Variants in LRRC15 observed in about 807,000 individuals in gnomAD.
LRRC15 encodes the protein leucine-rich repeat-containing protein 15.
In LRRC15, 5 loss-of-function variants were observed where a neutral mutation model predicts 4.3. The ratio of observed to expected loss-of-function variants is 1.16; its 90% CI spans 0.61 to 2.44. The LOEUF (loss-of-function observed/expected upper bound fraction) is 2.44, where lower values mean the gene tolerates loss of function less well. Among genes scored for constraint, LRRC15 ranks in the 30% most tolerant of loss-of-function variants. The pLI, the probability that LRRC15 is intolerant of heterozygous loss-of-function variation, is 0.01. For synonymous variants in LRRC15, 337 were observed against 323.2 expected, an observed-to-expected ratio of 1.04 and a Z score of -0.46; for missense variants, 769 against 747.0, an observed-to-expected ratio of 1.03 and a Z score of -0.34.
rs1472108894 is a variant in LRRC15 at position 194,369,739 on chromosome 3, A to T, written c.-82T>A. The T allele has an allele frequency of 1.3e-5, 2 of 152,192 alleles. No homozygotes were observed. Among genetic ancestry groups the T allele is most frequent in the Non-Finnish European group, 2.9e-5 (2 of 68,078 alleles). The allele number at this position is 152,192 out of a possible 1,614,324, so 9.4% of individuals were successfully genotyped here. A position where few individuals can be genotyped will look rare whatever the true frequency, so the allele number is the denominator to read the frequency against. On this transcript the variant is annotated 5_prime_UTR_variant, in exon 1 of 2. Coordinates refer to ENST00000347624, the MANE Select transcript of LRRC15 (RefSeq NM_130830.5). ...AGGGACGGCTCAAGGCTGCAGCATG[A>T]GTGTGGCTCGCCTAAGCTGTCCCGG...
rs1713579454 is a variant in LRRC15 at position 194,360,334 on chromosome 3, G to A, written c.710C>T (p.Ser237Phe). The A allele has an allele frequency of 6.2e-7, 1 of 1,614,028 alleles. No homozygotes were observed. The highest frequency in any genetic ancestry group is 8.5e-7 in the Non-Finnish European group (1 of 1,180,032). ...ALQQNQIGLL[S>F]PGLFHNNHNL... Reference sequence around the variant, plus strand: ...GTGGTTGTTGTGGAAGAGACCAGGGGAGAGCAGTCCAATCTGGTTCTGCTG... The same window carrying A: ...GTGGTTGTTGTGGAAGAGACCAGGGAAGAGCAGTCCAATCTGGTTCTGCTG... Residue 237 changes from serine (S) to phenylalanine (F), a missense_variant, in exon 2 of 2, where the codon TCC (serine) becomes TTC (phenylalanine). Transcript: ENST00000347624.
rs545151577 is a variant in LRRC15 at position 194,359,618 on chromosome 3, C to T, written c.1426G>A (p.Val476Ile). 3.6e-5 allele frequency: 58 copies of T among 1,613,788 alleles called. No individual in the cohort carries two copies. Among genetic ancestry groups the T allele is most frequent in the Middle Eastern group, 1.7e-4 (1 of 6,060 alleles). The stretch of plus-strand genomic sequence containing the variant: ...TAACTAGGCACCTCGGGGACATGGA[C>T]GCTTGGAACAGCAACGTTGACATTG... ...IINVNVAVPS[V>I]HVPEVPSYPE... Residue 476 changes from valine to isoleucine, a missense_variant, in exon 2 of 2, where the codon GTC (valine) becomes ATC (isoleucine). Physicochemically the swap from Val to Ile is conservative, Grantham distance 29. Transcript: ENST00000347624.
At chr3:194,369,289 G>A (rs961421384) in intron 1 of LRRC15, among the ~76,000 whole-genome samples, 2 of 152,244 alleles carry the variant, frequency 1.3e-5, no homozygotes, top group Non-Finnish European at 2.9e-5. Context: ...TTCCCCCAGT[G>A]GATCTAGATT....
At position 194,360,912 on chromosome 3, in the gene LRRC15, A is replaced by G; in HGVS notation, c.132T>C (p.Ile44=). ...AGGGCAGAGGGGTGGGCACTGCCACAATGCGTGCCCCGGTGCACTCCACCT... is the reference window on the plus strand; with the variant it reads ...AGGGCAGAGGGGTGGGCACTGCCACGATGCGTGCCCCGGTGCACTCCACCT... ...ASQVECTGAR[I]VAVPTPLPWN... The change falls in exon 2 of 2, where the codon ATT becomes ATC. Residue 44 remains isoleucine, a synonymous_variant. Transcript: ENST00000347624. 6.2e-7 allele frequency: 1 copy of G among 1,602,432 alleles called. No individual in the cohort carries two copies. The highest frequency in any genetic ancestry group is 8.5e-7 in the Non-Finnish European group (1 of 1,174,740).
chr3:194,359,572 G>A lies in LRRC15; in HGVS notation c.1472C>T (p.Pro491Leu). Residue 491 changes from proline (P) to leucine (L), a missense_variant, in exon 2 of 2, where the codon CCA becomes CTA. Coordinates refer to ENST00000347624, the MANE Select transcript of LRRC15 (RefSeq NM_130830.5). ...GGTGTCAGGGTAACTGGGTGTGTCT[G>A]GGTACCATGGTGTTTCTGGGTAACT... is the stretch of plus-strand genomic sequence containing the variant. ...VPSYPETPWY[P>L]DTPSYPDTTS... is the part of the protein sequence containing the mutation. The A allele has an allele frequency of 6.2e-7, 1 of 1,613,956 alleles. No individual in the cohort carries two copies. The highest frequency in any genetic ancestry group is 8.5e-7 in the Non-Finnish European group (1 of 1,179,930).
At chr3:194,361,330 G>A (rs1480186334) in intron 1 of LRRC15, among the ~76,000 whole-genome samples, 3 of 152,166 alleles carry the variant, frequency 2.0e-5, no homozygotes, top group African/African-American at 4.8e-5. Context: ...ATAACCTTTA[G>A]GACACTTCCC....
At chr3:194,361,157 A>G (rs1389506548) in intron 1 of LRRC15, 111 bp from the exon 2 acceptor site, 12 of 887,630 alleles carry the variant, frequency 1.4e-5, no homozygotes, top group Non-Finnish European at 1.8e-5. Flanking sequence ...GAACCCCATC[A>G]TCACATACTG....
At chr3:194,366,301 T>C (rs1275607349) in intron 1 of LRRC15, among the ~76,000 whole-genome samples, 1 of 152,244 alleles carries the variant, frequency 6.6e-6, no homozygotes, top group African/African-American at 2.4e-5. Context: ...AGTTAATGCA[T>C]GTGAAGCACT....
rs1254037006 is a variant in LRRC15 at position 194,360,018 on chromosome 3, C to A, written c.1026G>T (p.Glu342Asp). Residue 342 changes from glutamate to aspartate, a missense_variant, in exon 2 of 2, where the codon GAG becomes GAT. Coordinates refer to ENST00000347624, the MANE Select transcript of LRRC15 (RefSeq NM_130830.5). Reference sequence around the variant, plus strand: ...TGGTGTGGAGGGACAGCTCCCGAAGCTCCGTTAGCCCGTTGAAGGCACCCG... The same window carrying A: ...TGGTGTGGAGGGACAGCTCCCGAAGATCCGTTAGCCCGTTGAAGGCACCCG... ...ISPGAFNGLTELRELSLHTNA... is the reference protein window; with the variant it reads ...ISPGAFNGLTDLRELSLHTNA... 6.2e-7 allele frequency: 1 copy of A among 1,614,236 alleles called. No individual in the cohort carries two copies. Among genetic ancestry groups the A allele is most frequent in the South Asian group, 1.1e-5 (1 of 91,086 alleles).
Position 194,359,558 on chromosome 3 carries a change from A to G in LRRC15, c.1486T>C (p.Tyr496His). 2 of 1,614,100 alleles carry G rather than the reference A, an allele frequency of 1.2e-6. No individual in the cohort carries two copies. The highest frequency in any genetic ancestry group is 1.7e-6 in the Non-Finnish European group (2 of 1,179,990). The part of the protein sequence containing the change: ...ETPWYPDTPS[Y>H]PDTTSVSSTT... The stretch of plus-strand genomic sequence containing the variant: ...GAAGAGACGGATGTGGTGTCAGGGT[A>G]ACTGGGTGTGTCTGGGTACCATGGT... Residue 496 changes from tyrosine (Y) to histidine (H), a missense_variant, in exon 2 of 2, where the codon TAC becomes CAC. Physicochemically the swap from Tyr to His is moderately conservative, Grantham distance 83. Coordinates refer to ENST00000347624, the MANE Select transcript of LRRC15 (RefSeq NM_130830.5).
rs774509554 is a variant in LRRC15, at chr3:194,360,734, G to A, written c.310C>T (p.Arg104Cys). Residue 104 changes from arginine to cysteine, a missense_variant, in exon 2 of 2, where the codon CGC (arginine) becomes TGC (cysteine). Physicochemically the swap from Arg to Cys is radical, Grantham distance 180. Coordinates refer to ENST00000347624, the MANE Select transcript of LRRC15 (RefSeq NM_130830.5). The part of the protein sequence containing the change: ...PGAFRNLGSL[R>C]YLSLANNKLQ... ...TTGTTGTTGGCGAGGCTGAGATAGC[G>A]CAGCGAGCCCAGGTTTCGGAAGGCC... 1.4e-5 allele frequency: 23 copies of A among 1,614,106 alleles called. No homozygotes were observed. The highest frequency in any genetic ancestry group is 4.0e-5 in the African/African-American group (3 of 74,934).
chr3:194,359,513 G>A lies in LRRC15; in HGVS notation c.1531C>T (p.Pro511Ser). 1 of 1,614,202 alleles carries A rather than the reference G, an allele frequency of 6.2e-7. No individual in the cohort carries two copies. The highest frequency in any genetic ancestry group is 1.1e-5 in the South Asian group (1 of 91,078). ...SVSSTTELTS[P>S]VEDYTDLTTI... Reference sequence around the variant, plus strand: ...GTCAGATCAGTGTAGTCTTCCACAGGGCTGGTTAGCTCAGTGGTAGAAGAG... The same window carrying A: ...GTCAGATCAGTGTAGTCTTCCACAGAGCTGGTTAGCTCAGTGGTAGAAGAG... The change falls in exon 2 of 2, where the codon CCT becomes TCT. Residue 511 changes from proline to serine, a missense_variant. Pro to Ser is a moderately conservative substitution (Grantham distance 74). Transcript: ENST00000347624.
chr3:194,360,276 G>A lies in LRRC15; in HGVS notation c.768C>T (p.His256=), dbSNP rs770120228. The part of the protein sequence containing the change: ...NLQRLYLSNN[H]ISQLPPSVFM... ...AGACGCTGGGTGGCAGCTGGGAGAT[G>A]TGGTTGTTGGACAGGTAGAGTCTCT... The change falls in exon 2 of 2, where the codon CAC becomes CAT. Residue 256 remains histidine (H), a synonymous_variant. Transcript: ENST00000347624. 16 of 1,614,120 alleles carry A rather than the reference G, an allele frequency of 9.9e-6. No homozygotes were observed. The Admixed American group carries it at 2.5e-4, about 25-fold the overall frequency.
intron 1 of LRRC15, among the ~76,000 whole-genome samples, chr3:194,362,103 A>C (rs1162213021): frequency 1.3e-5 from 2 of 151,544 alleles, no homozygotes; most frequent in Non-Finnish European, 2.9e-5. Context: ...GTTTGAAATC[A>C]CTGATGACAA....
At chr3:194,367,158 A>G (rs1225440342) in intron 1 of LRRC15, among the ~76,000 whole-genome samples, 1 of 152,042 alleles carries the variant, frequency 6.6e-6, no homozygotes, top group East Asian at 1.9e-4. Context: ...GTTCAATTCC[A>G]CCTGAGTCTC....
intron 1 of LRRC15, among the ~76,000 whole-genome samples, chr3:194,368,027 G>A (rs1271304018): frequency 2.0e-5 from 3 of 152,172 alleles, no homozygotes; most frequent in Admixed American, 2.0e-4. Flanking sequence ...TCTTATGACA[G>A]CAGCCACGGG....
intron 1 of LRRC15, among the ~76,000 whole-genome samples, chr3:194,367,870 C>T (rs113560760): frequency 3.9e-5 from 6 of 152,224 alleles, no homozygotes; most frequent in Non-Finnish European, 5.9e-5. Flanking sequence ...AGTTAAAAAG[C>T]GCAATTCCTT....
rs1176483760 is a variant in LRRC15 at position 194,359,312 on chromosome 3, G to T, written c.1732C>A (p.Pro578Thr). 3.8e-6 allele frequency: 6 copies of T among 1,593,812 alleles called. No homozygotes were observed. The highest frequency in any genetic ancestry group is 1.3e-5 in the African/African-American group (1 of 74,656). ...SQAVLMQMKA[P>T]NEC ...AGCCTGCCTCTTTAACACTCATTGG[G>T]TGCCTTCATCTGCATCAGGACAGCT... Residue 578 changes from proline (P) to threonine (T), a missense_variant, in exon 2 of 2, where the codon CCC (proline) becomes ACC (threonine). Pro to Thr is a conservative substitution (Grantham distance 38, BLOSUM62 -1). Transcript: ENST00000347624.
At chr3:194,363,276 A>C (rs1339657201) in intron 1 of LRRC15, 2 of 654,526 alleles carry the variant, frequency 3.1e-6, no homozygotes, top group Non-Finnish European at 5.6e-6. Context: ...AGCCCATGGA[A>C]GCCCTGACCT....
Sources: gnomAD v4.1 joint callset for allele counts (sites outside exome capture counted in the v4.1 genomes callset) on GRCh38, gnomAD v4.1.1 for gene constraint, MANE v1.5 for transcripts, NCBI Gene and HGNC (gene_info 2026-07-23, HGNC 2026-07-21) for gene names.